Variants in BACH2 observed in about 807,000 individuals in gnomAD.
The protein encoded by BACH2 is BACH transcriptional regulator 2.
A neutral mutation model predicts 61.8 loss-of-function variants in BACH2; 5 were observed. The ratio of observed to expected loss-of-function variants is 0.08; its 90% confidence interval spans 0.04 to 0.17. The LOEUF is 0.17. BACH2 is among the 10% of genes least tolerant of loss of function. The probability of loss-of-function intolerance (pLI) is 1.00; values close to 1 mark genes in which losing one functional copy is unlikely to be tolerated. For synonymous variants in BACH2, 446 were observed against 440.1 expected (o/e 1.01, Z -0.17); for missense variants, 824 against 1,091.1 (o/e 0.76, Z 3.45).
At chr6:90,231,952 T>C (rs559955399) in intron 3 of BACH2, among the ~76,000 whole-genome samples, 1 of 152,158 alleles carries the variant, frequency 6.6e-6, no homozygotes, top group African/African-American at 2.4e-5. Flanking sequence ...AGACTTTCAA[T>C]AGACATGATA....
chr6:89,977,410 T>C (rs1462217442), intron 6 of BACH2, among the ~76,000 whole-genome samples: 1 of 152,240 alleles, frequency 6.6e-6, no homozygotes, highest in Non-Finnish European at 1.5e-5. Context: ...TTTCAAATCA[T>C]TAATGATGCT....
chr6:90,201,726 C>G (rs924028667), intron 4 of BACH2, among the ~76,000 whole-genome samples: 2 of 152,188 alleles, frequency 1.3e-5, no homozygotes, highest in Non-Finnish European at 2.9e-5. Flanking sequence ...ATAAGGCCTT[C>G]TTTATTCTAA....
intron 4 of BACH2, among the ~76,000 whole-genome samples, chr6:90,179,854 C>T (rs1000808825): frequency 6.6e-6 from 1 of 152,070 alleles, no homozygotes. Context: ...TATCTAAGAA[C>T]AAATACAAAG....
intron 5 of BACH2, among the ~76,000 whole-genome samples, chr6:90,015,884 G>A (rs1778033842): frequency 6.6e-6 from 1 of 152,170 alleles, no homozygotes; most frequent in Non-Finnish European, 1.5e-5. Context: ...GGCTACAATT[G>A]TAGGCTTGTC....
chr6:90,290,146 T>G, intron 1 of BACH2, among the ~76,000 whole-genome samples: 1 of 152,170 alleles, frequency 6.6e-6, no homozygotes, highest in Non-Finnish European at 1.5e-5. Context: ...TAGTAGTGAA[T>G]TAATAGGATT....
chr6:90,019,271 AT>A lies in BACH2; in HGVS notation c.-12-10416del, dbSNP rs545695409. Among the ~76,000 whole-genome samples the A allele has an allele frequency of 2.6e-5, 4 of 152,366 alleles. No homozygotes were observed. In the South Asian group the frequency reaches 8.3e-4, roughly 32 times the overall value. On this transcript the variant is annotated intron_variant, in intron 5 of 8. Coordinates refer to ENST00000257749, the MANE Select transcript of BACH2 (RefSeq NM_021813.4). Reference sequence around the variant, plus strand: ...GTTCATTTATGGGTAATACATATTAATGTGCCTACACCAAGATAGAAGCTTG... The same window carrying A: ...GTTCATTTATGGGTAATACATATTAAGTGCCTACACCAAGATAGAAGCTTG...
chr6:90,114,447 C>T (rs766389984), intron 4 of BACH2, among the ~76,000 whole-genome samples: 2 of 152,276 alleles, frequency 1.3e-5, no homozygotes, highest in African/African-American at 2.4e-5. Flanking sequence ...GCAGAACAGG[C>T]TTTTGATAAA....
intron 3 of BACH2, among the ~76,000 whole-genome samples, chr6:90,239,798 TACACAC>T (rs59169449): frequency 0.066 from 8,710 of 132,184 alleles, 379 homozygotes; most frequent in African/African-American, 0.11. Flanking sequence ...GGGGGGGGAA[TACACAC>T]ACACACACAC....
chr6:90,145,939 G>C (rs532215934), intron 4 of BACH2, among the ~76,000 whole-genome samples: 36 of 152,270 alleles, frequency 2.4e-4, no homozygotes, highest in African/African-American at 8.2e-4. Context: ...TTTTCTCTTT[G>C]ACTTCCAACC....
chr6:89,953,648 C>G (rs1774253864), intron 6 of BACH2, among the ~76,000 whole-genome samples: 1 of 152,176 alleles, frequency 6.6e-6, no homozygotes, highest in African/African-American at 2.4e-5. Flanking sequence ...CTAATCTAAC[C>G]TGGGGTCTCT....
intron 1 of BACH2, among the ~76,000 whole-genome samples, chr6:90,280,157 T>G (rs1771815537): frequency 6.6e-6 from 1 of 152,184 alleles, no homozygotes; most frequent in South Asian, 2.1e-4. Flanking sequence ...ATCAATGTAT[T>G]AATGAGATAT....
chr6:90,018,960 T>C (rs1315386882), intron 5 of BACH2, among the ~76,000 whole-genome samples: 4 of 152,226 alleles, frequency 2.6e-5, no homozygotes, highest in Non-Finnish European at 4.4e-5. Flanking sequence ...TGGCTTCTTA[T>C]TAGTCCTTCA....
intron 4 of BACH2, among the ~76,000 whole-genome samples, chr6:90,136,687 C>G (rs1184640436): frequency 6.6e-6 from 1 of 151,868 alleles, no homozygotes. Flanking sequence ...TTAATATTAC[C>G]AGGGCTGGTG....
chr6:90,029,593 A>G (rs1161884970), intron 5 of BACH2, among the ~76,000 whole-genome samples: 2 of 152,184 alleles, frequency 1.3e-5, no homozygotes, highest in African/African-American at 2.4e-5. Context: ...TGAGGGCAGG[A>G]ATTTTTACCT....
chr6:90,062,356 G>A (rs1780728219), intron 5 of BACH2, among the ~76,000 whole-genome samples: 2 of 152,176 alleles, frequency 1.3e-5, no homozygotes, highest in South Asian at 2.1e-4. Context: ...TGATAATTAT[G>A]ATCTGAAAGT....
intron 3 of BACH2, among the ~76,000 whole-genome samples, chr6:90,225,596 G>A (rs953128852): frequency 5.3e-5 from 8 of 152,036 alleles, no homozygotes; most frequent in African/African-American, 1.9e-4. Context: ...AGGGAACAAC[G>A]CATACTGGAG....
intron 3 of BACH2, among the ~76,000 whole-genome samples, chr6:90,214,852 C>T (rs891859908): frequency 6.7e-6 from 1 of 148,964 alleles, no homozygotes; most frequent in Admixed American, 6.7e-5. Context: ...GCCTCAACCT[C>T]CCAGGCTCAA....
chr6:90,164,204 A>G (rs1236751724), intron 4 of BACH2, among the ~76,000 whole-genome samples: 1 of 152,212 alleles, frequency 6.6e-6, no homozygotes, highest in Non-Finnish European at 1.5e-5. Context: ...AGAATCAAAT[A>G]GATGCAATAA....
At chr6:90,128,520 G>A (rs1293442715) in intron 4 of BACH2, among the ~76,000 whole-genome samples, 1 of 152,216 alleles carries the variant, frequency 6.6e-6, no homozygotes, top group East Asian at 1.9e-4. Flanking sequence ...GGCGGAGGTT[G>A]CAGTGAGCCA....
Sources: allele counts gnomAD v4.1 joint callset (sites outside exome capture counted in the v4.1 genomes callset), GRCh38; gene constraint gnomAD v4.1.1; transcripts MANE v1.5; gene names NCBI Gene and HGNC (gene_info 2026-07-23, HGNC 2026-07-21).